PCDHGA1: variants seen among roughly 807,000 people sequenced by gnomAD.
The protein encoded by PCDHGA1 is protocadherin gamma subfamily A, 1.
PCDHGA1 carries 32 observed loss-of-function variants against 58.0 expected under a neutral mutation model. The ratio of observed to expected loss-of-function variants is 0.55; its 90% confidence interval spans 0.42 to 0.74. The LOEUF (loss-of-function observed/expected upper bound fraction) is 0.74. Ranked by LOEUF, PCDHGA1 falls within the 30% of genes least tolerant of loss-of-function variation. The pLI, the probability that PCDHGA1 is intolerant of heterozygous loss-of-function variation, is 0.00. For synonymous variants in PCDHGA1, 498 were observed against 501.1 expected (o/e 0.99, Z 0.08); for missense variants, 1,205 against 1,182.3 (o/e 1.02, Z -0.28).
chr5:141,370,878 G>A (rs906619365), intron 1 of PCDHGA1: 1 of 1,613,918 alleles, frequency 6.2e-7, no homozygotes, highest in African/African-American at 1.3e-5. Flanking sequence ...AGATCCTGAT[G>A]TAGGTGTCAA....
intron 1 of PCDHGA1, among the ~76,000 whole-genome samples, chr5:141,455,146 A>G (rs2098814943): frequency 6.7e-6 from 1 of 149,242 alleles, no homozygotes; most frequent in South Asian, 2.1e-4. Flanking sequence ...TGTTAAATAA[A>G]TATTAGTTTG....
intron 1 of PCDHGA1, chr5:141,428,082 G>T (rs776612130): frequency 1.2e-6 from 2 of 1,609,030 alleles, no homozygotes; most frequent in South Asian, 2.2e-5. Flanking sequence ...GGGACACAAC[G>T]CTTGGCTGTC....
chr5:141,503,471 C>A (rs2099820129), intron 2 of PCDHGA1, among the ~76,000 whole-genome samples: 1 of 151,836 alleles, frequency 6.6e-6, no homozygotes, highest in African/African-American at 2.4e-5. Context: ...GGCATGTGTG[C>A]ACTTGTCGTC....
At position 141,414,787 on chromosome 5, in the gene PCDHGA1, G is replaced by C. The variant is rs372484037; in HGVS notation, c.2422-80020G>C. ...TCATGAGCTACAGATGCAGGTGACA[G>C]CCAGCGACAGCGGGGATCCTCCACT... On this transcript the variant is annotated intron_variant, in intron 1 of 3. Coordinates refer to ENST00000517417, the MANE Select transcript of PCDHGA1 (RefSeq NM_018912.3). 12 of 1,614,230 alleles carry C rather than the reference G, an allele frequency of 7.4e-6. No homozygotes were observed. The highest frequency in any genetic ancestry group is 2.2e-5 in the East Asian group (1 of 44,874).
chr5:141,337,788 A>G (rs1407093110), intron 1 of PCDHGA1, among the ~76,000 whole-genome samples: 1 of 152,270 alleles, frequency 6.6e-6, no homozygotes, highest in African/African-American at 2.4e-5. Context: ...AGATGAAACA[A>G]GAGTAAGAAG....
chr5:141,435,737 T>C (rs944951200), intron 1 of PCDHGA1, among the ~76,000 whole-genome samples: 1 of 152,202 alleles, frequency 6.6e-6, no homozygotes, highest in Non-Finnish European at 1.5e-5. Context: ...TATTACTCTT[T>C]GAAAAGCATT....
chr5:141,345,767 G>A (rs1176914515), intron 1 of PCDHGA1: 5 of 1,614,020 alleles, frequency 3.1e-6, no homozygotes, highest in African/African-American at 1.3e-5. Context: ...TGGAGCTGGC[G>A]CCTCGCTCCG....
intron 1 of PCDHGA1, chr5:141,346,135 C>A: frequency 3.1e-6 from 5 of 1,613,962 alleles, no homozygotes; most frequent in Non-Finnish European, 3.4e-6. Context: ...GCCGCGGTCT[C>A]CTGCGTCTTC....
chr5:141,423,065 G>C, intron 1 of PCDHGA1: 1 of 1,614,138 alleles, frequency 6.2e-7, no homozygotes, highest in Non-Finnish European at 8.5e-7. Flanking sequence ...CTTAAGGCCA[G>C]CGAGCCGGGA....
intron 1 of PCDHGA1, chr5:141,389,398 T>C (rs1384148422): frequency 1.2e-6 from 2 of 1,613,536 alleles, no homozygotes; most frequent in East Asian, 4.5e-5. Flanking sequence ...TACGTGTCCA[T>C]AAGCGCGGAG....
chr5:141,357,196 G>A (rs1458493906), intron 1 of PCDHGA1: 3 of 1,613,782 alleles, frequency 1.9e-6, no homozygotes, highest in Admixed American at 3.3e-5. Context: ...GGCTGTGGCC[G>A]ACAGCATCCC....
chr5:141,356,998 C>A (rs1160143660), intron 1 of PCDHGA1: 2 of 1,614,190 alleles, frequency 1.2e-6, no homozygotes, highest in Non-Finnish European at 1.7e-6. Context: ...AGACTCAGGT[C>A]AGAATGCCTG....
At chr5:141,386,930 G>A (rs555182145) in intron 1 of PCDHGA1, among the ~76,000 whole-genome samples, 29 of 152,300 alleles carry the variant, frequency 1.9e-4, no homozygotes, top group African/African-American at 6.0e-4. Flanking sequence ...AATAAGTGCA[G>A]AGGTAGGAAG....
In PCDHGA1 at chr5:141,385,248, G is replaced by T; in HGVS notation, c.2421+52143G>T. 6.2e-7 allele frequency: 1 copy of T among 1,613,854 alleles called. No individual in the cohort carries two copies. The highest frequency in any genetic ancestry group is 8.5e-7 in the Non-Finnish European group (1 of 1,179,720). The stretch of plus-strand genomic sequence containing the variant: ...ATGTAGACATGCTCATCAGCCAGGA[G>T]AGCTGTGAGAAAAATGATTCTTTGC... On this transcript the variant is annotated intron_variant, in intron 1 of 3. Coordinates refer to ENST00000517417, the MANE Select transcript of PCDHGA1 (RefSeq NM_018912.3).
intron 1 of PCDHGA1, chr5:141,402,901 T>C: frequency 1.3e-6 from 2 of 1,520,230 alleles, no homozygotes; most frequent in Non-Finnish European, 1.8e-6. Flanking sequence ...AAGAACCTGA[T>C]GAAGCAGCGC....
chr5:141,478,631 A>G (rs781339775), intron 1 of PCDHGA1: 1 of 1,553,196 alleles, frequency 6.4e-7, no homozygotes, highest in Non-Finnish European at 8.7e-7. Context: ...CTGTTTTTTT[A>G]GTGATGAAGA....
intron 1 of PCDHGA1, among the ~76,000 whole-genome samples, chr5:141,447,123 T>TTTTG (rs1327676720): frequency 6.6e-6 from 1 of 152,160 alleles, no homozygotes; most frequent in Admixed American, 6.6e-5. Context: ...CCATGGATTT[T>TTTTG]TTTGTTTGTT....
chr5:141,345,517 C>T (rs1386983358), intron 1 of PCDHGA1: 1 of 1,614,160 alleles, frequency 6.2e-7, no homozygotes, highest in Non-Finnish European at 8.5e-7. Flanking sequence ...ACCGAGGACA[C>T]TCTCCAGGGG....
Position 141,490,483 on chromosome 5 carries a change from G to A in PCDHGA1, c.2422-4324G>A. On this transcript the variant is annotated intron_variant, in intron 1 of 3. Transcript: ENST00000517417. The surrounding 1 kb of genome is among the most constrained non-coding windows in gnomAD (Gnocchi z 5.4). ...GCTAACCAGCCAGCCTTTGGACCGG[G>A]AGGCCACATCCCACTATATCATCGA... 2.5e-6 allele frequency: 4 copies of A among 1,614,198 alleles called. No individual in the cohort carries two copies. Among genetic ancestry groups the A allele is most frequent in the Non-Finnish European group, 3.4e-6 (4 of 1,180,046 alleles).
Sources: gnomAD v4.1 joint callset for allele counts (sites outside exome capture counted in the v4.1 genomes callset) on GRCh38, gnomAD v4.1.1 for gene constraint, Gnocchi (gnomAD v3.1) non-coding constraint, MANE v1.5 for transcripts, NCBI Gene and HGNC (gene_info 2026-07-23, HGNC 2026-07-21) for gene names.